NOS1AP: variants seen among roughly 807,000 people sequenced by gnomAD.
NOS1AP encodes nitric oxide synthase 1 adaptor protein, also known as carboxyl-terminal PDZ ligand of neuronal nitric oxide synthase protein.
In NOS1AP, 21 loss-of-function variants were observed where a neutral mutation model predicts 56.2. The observed-to-expected ratio is 0.37, with a 90% CI of 0.26 to 0.54. NOS1AP has a LOEUF of 0.54. NOS1AP is among the 20% of genes least tolerant of loss of function. NOS1AP has a pLI of 0.84. For missense variants in NOS1AP, 522 were observed against 657.8 expected (o/e 0.79, Z 2.26); for synonymous variants, 270 against 274.6 (o/e 0.98, Z 0.17).
Position 162,355,247 on chromosome 1 carries a change from ATGCGGTGGAGGTCCCAC to A in NOS1AP, c.658_674del (p.Ala220SerfsTer4). 1 of 1,614,096 alleles carries A rather than the reference ATGCGGTGGAGGTCCCAC, an allele frequency of 6.2e-7. No homozygotes were observed. Among genetic ancestry groups the A allele is most frequent in the Non-Finnish European group, 8.5e-7 (1 of 1,180,008 alleles). On this transcript the variant is annotated frameshift_variant, in exon 7 of 10. Coordinates refer to ENST00000361897, the MANE Select transcript of NOS1AP (RefSeq NM_014697.3). LOFTEE classifies it high-confidence loss of function. ...GCCACTGCAGAGGAGACTGACATCG[ATGCGGTGGAGGTCCCAC>A]TTCCAGGGAATGATGTCCTGGAATT... is the stretch of plus-strand genomic sequence containing the variant.
At chr1:162,206,040 A>G (rs1203472029) in intron 2 of NOS1AP, among the ~76,000 whole-genome samples, 1 of 152,168 alleles carries the variant, frequency 6.6e-6, no homozygotes, top group Non-Finnish European at 1.5e-5. Flanking sequence ...CCTGGGCATC[A>G]TCTTTTCACA....
At chr1:162,337,860 T>C (rs1461966712) in intron 5 of NOS1AP, among the ~76,000 whole-genome samples, 2 of 152,330 alleles carry the variant, frequency 1.3e-5, no homozygotes, top group East Asian at 3.9e-4. Context: ...CACAAAATAA[T>C]GTGTTGGACA....
chr1:162,347,693 T>G (rs1657348769), intron 6 of NOS1AP, among the ~76,000 whole-genome samples: 1 of 152,208 alleles, frequency 6.6e-6, no homozygotes, highest in Admixed American at 6.5e-5. Context: ...GGGTTTGATG[T>G]GATTCACGAT....
At chr1:162,105,310 T>C (rs13375277) in intron 1 of NOS1AP, among the ~76,000 whole-genome samples, 17,643 of 152,224 alleles carry the variant, frequency 0.12, 2,278 homozygotes, top group African/African-American at 0.32. Flanking sequence ...CATTGACCTG[T>C]TGCTGTTCTG....
At chr1:162,096,758 T>C (rs1321741778) in intron 1 of NOS1AP, among the ~76,000 whole-genome samples, 1 of 152,256 alleles carries the variant, frequency 6.6e-6, no homozygotes, top group African/African-American at 2.4e-5. Context: ...AAGTTTACCC[T>C]TATTAGTTCA....
intron 4 of NOS1AP, among the ~76,000 whole-genome samples, chr1:162,301,855 G>A (rs145800155): frequency 9.2e-5 from 14 of 152,368 alleles, no homozygotes; most frequent in African/African-American, 3.1e-4. Context: ...GGAACTCAAC[G>A]TGTGAAGTTG....
At chr1:162,289,192 T>TTTCCTTCC (rs1257607965) in intron 3 of NOS1AP, among the ~76,000 whole-genome samples, 4,140 of 127,090 alleles carry the variant, frequency 0.033, 286 homozygotes, top group African/African-American at 0.051. Flanking sequence ...TTTGCCTTTC[T>TTTCCTTCC]TTCCTTCCTT....
At chr1:162,350,076 C>T (rs997460588) in intron 6 of NOS1AP, among the ~76,000 whole-genome samples, 2 of 152,194 alleles carry the variant, frequency 1.3e-5, no homozygotes, top group African/African-American at 4.8e-5. Context: ...CCTAATGGCA[C>T]ACCTTGAGCG....
At chr1:162,288,043 C>G (rs1655148715) in intron 3 of NOS1AP, among the ~76,000 whole-genome samples, 1 of 152,136 alleles carries the variant, frequency 6.6e-6, no homozygotes, top group African/African-American at 2.4e-5. Context: ...GAGAGACAAG[C>G]AAGTGAGCAT....
At chr1:162,361,739 T>A (rs923545750) in intron 8 of NOS1AP, among the ~76,000 whole-genome samples, 1 of 152,254 alleles carries the variant, frequency 6.6e-6, no homozygotes, top group Non-Finnish European at 1.5e-5. Flanking sequence ...TGCCAATGGA[T>A]CTGCGATGGG....
At chr1:162,122,630 C>T (rs912153936) in intron 1 of NOS1AP, among the ~76,000 whole-genome samples, 2 of 151,798 alleles carry the variant, frequency 1.3e-5, no homozygotes, top group African/African-American at 4.8e-5. Context: ...ACCTCAGCCT[C>T]CTGATTAGCT....
chr1:162,347,812 A>T (rs140037577), intron 6 of NOS1AP, among the ~76,000 whole-genome samples: 81 of 152,232 alleles, frequency 5.3e-4, no homozygotes, highest in African/African-American at 1.9e-3. Flanking sequence ...TGCCCTGAAC[A>T]TATAGTAAGT....
intron 1 of NOS1AP, among the ~76,000 whole-genome samples, chr1:162,134,106 A>C (rs1648876423): frequency 6.6e-6 from 1 of 152,236 alleles, no homozygotes; most frequent in Non-Finnish European, 1.5e-5. Context: ...CAGGTGAAAC[A>C]GTCAGTAAAA....
chr1:162,124,201 T>C (rs1178680792), intron 1 of NOS1AP, among the ~76,000 whole-genome samples: 1 of 152,026 alleles, frequency 6.6e-6, no homozygotes, highest in Admixed American at 6.6e-5. Context: ...AGCGGTGAAG[T>C]CTGGGATTTT....
chr1:162,283,780 G>C (rs1180787589), intron 2 of NOS1AP, among the ~76,000 whole-genome samples: 1 of 152,226 alleles, frequency 6.6e-6, no homozygotes, highest in Non-Finnish European at 1.5e-5. Flanking sequence ...TTCCCTGAAA[G>C]GTCAAGTCCT....
rs761523382 is a variant in NOS1AP at position 162,287,369 on chromosome 1, A to G, written c.203A>G (p.Lys68Arg). 6.2e-7 allele frequency: 1 copy of G among 1,613,188 alleles called. No individual in the cohort carries two copies. Residue 68 changes from lysine to arginine, a missense_variant, in exon 3 of 10, where the codon AAG becomes AGG. Around this residue, in one of 4 missense-constraint regions of NOS1AP, gnomAD observed 132 missense variants for 218.1 expected, o/e 0.61. Transcript: ENST00000361897. ...IRYEFKAKNI[K>R]KKKVSIMVSV... The stretch of plus-strand genomic sequence containing the variant: ...TATGAGTTTAAAGCCAAGAACATCA[A>G]GAAGAAGAAAGTGAGCATTATGGTT...
chr1:162,095,632 A>T (rs4656352), intron 1 of NOS1AP, among the ~76,000 whole-genome samples: 94,753 of 152,006 alleles, frequency 0.62, 29,891 homozygotes, highest in Non-Finnish European at 0.67. Context: ...TAGGGACCAT[A>T]TTAGACTGCC....
Position 162,321,565 on chromosome 1 carries a change from G to T in NOS1AP, c.345-11452G>T, listed in dbSNP as rs186217947. Among the ~76,000 whole-genome samples the T allele has an allele frequency of 2.6e-5, 4 of 152,044 alleles. No homozygotes were observed. In the East Asian group the frequency reaches 7.7e-4, roughly 29 times the overall value. On this transcript the variant is annotated intron_variant, in intron 4 of 9. Transcript: ENST00000361897. ...TGGGGGACATCACACACCAGGGCCT[G>T]TTGTGGGGTAGGGGTAGGGGAGAGG...
At chr1:162,235,582 C>T (rs2101674471) in intron 2 of NOS1AP, among the ~76,000 whole-genome samples, 1 of 152,272 alleles carries the variant, frequency 6.6e-6, no homozygotes, top group East Asian at 1.9e-4. Flanking sequence ...CGGAAACATG[C>T]TGCATGGGGA....
Sources: allele counts gnomAD v4.1 joint callset (sites outside exome capture counted in the v4.1 genomes callset), GRCh38; gene constraint gnomAD v4.1.1; regional missense constraint gnomAD v4.1.1; transcripts MANE v1.5; gene names NCBI Gene and HGNC (gene_info 2026-07-23, HGNC 2026-07-21).